The following ANK2 variants were observed in gnomAD, a reference collection of about 807,000 sequenced individuals.
ANK2 encodes ankyrin 2.
In ANK2, 83 loss-of-function variants were observed where a neutral mutation model predicts 360.5. The ratio of observed to expected loss-of-function variants is 0.23; its 90% confidence interval spans 0.19 to 0.28. The LOEUF is 0.28. Among genes scored for constraint, ANK2 ranks in the 10% least tolerant of loss-of-function variants. The pLI is 1.00. For missense variants in ANK2, 4,201 were observed against 4,795.7 expected (o/e 0.88, Z 3.66); for synonymous variants, 1,740 against 1,759.5 (o/e 0.99, Z 0.28).
intron 4 of ANK2, among the ~76,000 whole-genome samples, chr4:113,218,504 A>G (rs114378409): frequency 9.0e-4 from 137 of 152,002 alleles, no homozygotes; most frequent in African/African-American, 3.0e-3. Context: ...ACTTCATTTG[A>G]TTGGAGATTT....
At chr4:113,191,547 C>G (rs113144383) in intron 2 of ANK2, among the ~76,000 whole-genome samples, 1 of 152,128 alleles carries the variant, frequency 6.6e-6, no homozygotes, top group Non-Finnish European at 1.5e-5. Context: ...CCTACGTAAA[C>G]GTATGTTGAA....
chr4:113,286,423 C>T (rs990054813), intron 18 of ANK2, among the ~76,000 whole-genome samples: 36 of 152,318 alleles, frequency 2.4e-4, no homozygotes, highest in Middle Eastern at 6.8e-3. Context: ...CCTCCTCTCA[C>T]GTTGTAGAAT....
At chr4:113,094,827 T>G (rs186153305) in intron 1 of ANK2, among the ~76,000 whole-genome samples, 35 of 152,328 alleles carry the variant, frequency 2.3e-4, no homozygotes, top group African/African-American at 6.3e-4. Context: ...AAAATTAAGT[T>G]AGATTTGTGT....
chr4:113,358,321 C>G lies in ANK2; in HGVS notation c.9703C>G (p.Pro3235Ala). 6.2e-7 allele frequency: 1 copy of G among 1,613,434 alleles called. No individual in the cohort carries two copies. Among genetic ancestry groups the G allele is most frequent in the Non-Finnish European group, 8.5e-7 (1 of 1,179,510 alleles). Reference sequence around the variant, plus strand: ...CACCGTGCAAACGGGTGATATACCTCCTCTCTCTGGTGTAAAGCAGATATC... The same window carrying G: ...CACCGTGCAAACGGGTGATATACCTGCTCTCTCTGGTGTAAAGCAGATATC... ...LPTVQTGDIP[P>A]LSGVKQISCP... Residue 3235 changes from proline (P) to alanine (A), a missense_variant, in exon 38 of 46, where the codon CCT (proline) becomes GCT (alanine). Physicochemically the swap from Pro to Ala is conservative, Grantham distance 27. Coordinates refer to ENST00000357077, the MANE Select transcript of ANK2 (RefSeq NM_001148.6).
At chr4:113,099,923 G>T (rs575682717) in intron 1 of ANK2, among the ~76,000 whole-genome samples, 3 of 151,972 alleles carry the variant, frequency 2.0e-5, no homozygotes, top group African/African-American at 7.2e-5. Context: ...ACCCACATGC[G>T]ACAAAAAGTG....
intron 2 of ANK2, among the ~76,000 whole-genome samples, chr4:112,922,869 G>A (rs1581218386): frequency 1.3e-5 from 2 of 152,080 alleles, no homozygotes; most frequent in East Asian, 3.9e-4. Flanking sequence ...AGTAGAAGAG[G>A]AAATAAAGTT....
At position 113,116,909 on chromosome 4, in the gene ANK2, A is replaced by G. The variant is rs906715079; in HGVS notation, c.85-57507A>G. On this transcript the variant is annotated intron_variant, in intron 1 of 45. Transcript: ENST00000357077. Reference sequence around the variant, plus strand: ...TCCAATTGGTGATGTGTGTCTAAGGATGGCTTTTTCAACTAGTAGGATGCT... The same window carrying G: ...TCCAATTGGTGATGTGTGTCTAAGGGTGGCTTTTTCAACTAGTAGGATGCT... The G allele has an allele frequency of 1.3e-5, 3 of 230,550 alleles. No homozygotes were observed. In the South Asian group the frequency reaches 2.0e-4, roughly 16 times the overall value. The allele number at this position is 230,550 out of a possible 1,614,324, so 14.3% of individuals were successfully genotyped here.
intron 26 of ANK2, among the ~76,000 whole-genome samples, chr4:113,327,724 C>G (rs1307809678): frequency 1.3e-5 from 2 of 152,158 alleles, no homozygotes; most frequent in African/African-American, 2.4e-5. Flanking sequence ...CAAGTAATGA[C>G]GAAACCATCA....
At chr4:113,267,613 C>G (rs1411145324) in intron 14 of ANK2, among the ~76,000 whole-genome samples, 1 of 152,120 alleles carries the variant, frequency 6.6e-6, no homozygotes, top group Non-Finnish European at 1.5e-5. Flanking sequence ...GTCTATATAT[C>G]TGTTTTGGTA....
chr4:113,280,219 G>T (rs776809310), intron 17 of ANK2, among the ~76,000 whole-genome samples: 1 of 152,118 alleles, frequency 6.6e-6, no homozygotes, highest in Non-Finnish European at 1.5e-5. Context: ...ATTGTAAAAC[G>T]TGTGTTCTCT....
the ANK2 span, among the ~76,000 whole-genome samples, chr4:112,728,892 C>T: frequency 1.3e-5 from 2 of 151,902 alleles, no homozygotes; most frequent in South Asian, 4.1e-4. Context: ...AAAAGAAACC[C>T]TTGGTTGGGT....
At chr4:112,927,057 G>A (rs80143944) in intron 2 of ANK2, among the ~76,000 whole-genome samples, 4,814 of 152,204 alleles carry the variant, frequency 0.032, 139 homozygotes, top group East Asian at 0.17. Context: ...CCATCTGGTG[G>A]GAAATTACTC....
At chr4:112,822,120 G>C (rs899143099) in intron 1 of ANK2, among the ~76,000 whole-genome samples, 1 of 151,588 alleles carries the variant, frequency 6.6e-6, no homozygotes, top group African/African-American at 2.4e-5. Context: ...ACCATTTAAG[G>C]GGCCGGGCAC....
intron 1 of ANK2, among the ~76,000 whole-genome samples, chr4:113,153,238 A>G (rs1226542841): frequency 6.6e-6 from 1 of 152,186 alleles, no homozygotes; most frequent in African/African-American, 2.4e-5. Flanking sequence ...GTGTACTTAA[A>G]TTGGATCTCT....
upstream of ANK2, among the ~76,000 whole-genome samples, chr4:113,048,918 AC>A (rs2065733022): frequency 1.4e-3 from 1 of 720 alleles, no homozygotes; most frequent in Non-Finnish European, 2.9e-3. Context: ...CCCTACCCAG[AC>A]ACACACACAC....
rs1453518749 is a variant in ANK2 at position 113,350,163 on chromosome 4, CA to C, written c.4405-64del. On this transcript the variant is annotated intron_variant, in intron 36 of 45. Transcript: ENST00000357077. ...TAATTATGAATAGGAGCTTTTTGTG[CA>C]CACCAGGGGCTATGAGCCAAGGCAG... The C allele has an allele frequency of 4.7e-5, 69 of 1,465,952 alleles. 3 individuals carry two copies. In the Middle Eastern group the frequency reaches 5.9e-3, roughly 125 times the overall value. 90.8% of individuals were successfully genotyped at this position (1,465,952 alleles called of 1,614,324 possible).
At chr4:113,097,206 A>G (rs2091470162) in intron 1 of ANK2, among the ~76,000 whole-genome samples, 1 of 151,254 alleles carries the variant, frequency 6.6e-6, no homozygotes, top group Non-Finnish European at 1.5e-5. Context: ...GTTGTGCCAG[A>G]TGGTGTGCTT....
rs1006595443 is a variant in ANK2 at position 113,365,254 on chromosome 4, G to A, written c.11032+72G>A. ...GTGTTGTGTCTGTGTGTGGTTAATTGAGGCACTGGACCTACTGTCTTTTTT... is the reference window on the plus strand; with the variant it reads ...GTGTTGTGTCTGTGTGTGGTTAATTAAGGCACTGGACCTACTGTCTTTTTT... On this transcript the variant is annotated intron_variant, in intron 41 of 45. Transcript: ENST00000357077. 2.6e-5 allele frequency: 40 copies of A among 1,527,612 alleles called. No individual in the cohort carries two copies. In the Admixed American group the frequency reaches 6.6e-4, roughly 25 times the overall value. 94.6% of individuals were successfully genotyped at this position (1,527,612 alleles called of 1,614,324 possible). A position where few individuals can be genotyped will look rare whatever the true frequency, so the allele number is the denominator to read the frequency against.
intron 1 of ANK2, among the ~76,000 whole-genome samples, chr4:113,097,892 G>A (rs532632450): frequency 0.31 from 39,496 of 127,890 alleles, 6,609 homozygotes; most frequent in African/African-American, 0.47. Context: ...ACACACACAC[G>A]CACACACACA....
Sources: allele counts gnomAD v4.1 joint callset (sites outside exome capture counted in the v4.1 genomes callset), GRCh38; gene constraint gnomAD v4.1.1; transcripts MANE v1.5; gene names NCBI Gene and HGNC (gene_info 2026-07-23, HGNC 2026-07-21).